Variants in OR51E2 observed in about 807,000 individuals in gnomAD.
OR51E2 encodes olfactory receptor 51E2.
A neutral mutation model predicts 13.7 loss-of-function variants in OR51E2; 14 were observed. That is an observed-to-expected ratio of 1.02 (90% CI 0.68 to 1.60). The LOEUF (loss-of-function observed/expected upper bound fraction) is 1.60, where lower values mean the gene tolerates loss of function less well. Among genes scored for constraint, OR51E2 ranks in the 40% most tolerant of loss-of-function variants. OR51E2 has a pLI of 0.00. For missense variants in OR51E2, 483 were observed against 413.8 expected (o/e 1.17, Z -1.45); for synonymous variants, 180 against 157.6 (o/e 1.14, Z -1.07).
intron 1 of OR51E2, among the ~76,000 whole-genome samples, chr11:4,690,082 C>T (rs1847559301): frequency 2.0e-5 from 3 of 146,662 alleles, no homozygotes; most frequent in East Asian, 2.0e-4. Context: ...AATTATATAC[C>T]TATATATTAT....
intron 1 of OR51E2, among the ~76,000 whole-genome samples, chr11:4,690,124 G>A (rs557742286): frequency 2.0e-5 from 3 of 150,342 alleles, no homozygotes; most frequent in African/African-American, 7.3e-5. Flanking sequence ...TTAAAATTAA[G>A]AGTGTGGGGG....
chr11:4,681,554 T>G lies in OR51E2; in HGVS notation c.*195A>C. 1.6e-6 allele frequency: 1 copy of G among 608,444 alleles called. No homozygotes were observed. Among genetic ancestry groups the G allele is most frequent in the Non-Finnish European group, 2.8e-6 (1 of 352,330 alleles). The allele number at this position is 608,444 out of a possible 1,614,324, so 37.7% of individuals were successfully genotyped here. A position where few individuals can be genotyped will look rare whatever the true frequency, so the allele number is the denominator to read the frequency against. ...AAGCATGTTTGGTTTTATTGTAGTC[T>G]TTAAATCATGTAATACTTCATTAGT... On this transcript the variant is annotated 3_prime_UTR_variant, in exon 2 of 2. Coordinates refer to ENST00000396950, the MANE Select transcript of OR51E2 (RefSeq NM_030774.4).
intron 1 of OR51E2, chr11:4,690,503 G>A (rs1589874110): frequency 5.0e-6 from 1 of 198,376 alleles, no homozygotes; most frequent in African/African-American, 2.4e-5. Flanking sequence ...ACAGTGGTGT[G>A]AGAAGGAGAA....
In OR51E2 at chr11:4,681,531, G is replaced by A; in HGVS notation, c.*218C>T. 3.6e-6 allele frequency: 2 copies of A among 555,270 alleles called. No homozygotes were observed. Among genetic ancestry groups the A allele is most frequent in the Non-Finnish European group, 6.3e-6 (2 of 316,884 alleles). The allele number at this position is 555,270 out of a possible 1,614,324, so 34.4% of individuals were successfully genotyped here. ...TTTATTGTTTTTCTTAATGTTATAAGCATGTTTGGTTTTATTGTAGTCTTT... is the reference window on the plus strand; with the variant it reads ...TTTATTGTTTTTCTTAATGTTATAAACATGTTTGGTTTTATTGTAGTCTTT... On this transcript the variant is annotated 3_prime_UTR_variant, in exon 2 of 2. Coordinates refer to ENST00000396950, the MANE Select transcript of OR51E2 (RefSeq NM_030774.4).
At chr11:4,687,734 G>C (rs932522964) in intron 1 of OR51E2, among the ~76,000 whole-genome samples, 3 of 152,136 alleles carry the variant, frequency 2.0e-5, no homozygotes, top group African/African-American at 7.2e-5. Context: ...TGGGGAGAAT[G>C]GTGACAAGAG....
chr11:4,696,593 A>G (rs1447655499), intron 1 of OR51E2, among the ~76,000 whole-genome samples: 1 of 152,204 alleles, frequency 6.6e-6, no homozygotes, highest in East Asian at 1.9e-4. Context: ...AGGGGGACTA[A>G]TGAATATCCT....
At chr11:4,693,679 G>T (rs1049229544) in intron 1 of OR51E2, among the ~76,000 whole-genome samples, 1 of 152,078 alleles carries the variant, frequency 6.6e-6, no homozygotes, top group African/African-American at 2.4e-5. Flanking sequence ...CCGAGATGGC[G>T]CCATTGCACT....
Position 4,682,659 on chromosome 11 carries a change from C to A in OR51E2, c.53G>T (p.Gly18Val). ...HATFVLIGIPGLEKAHFWVGF... is the reference protein window; with the variant it reads ...HATFVLIGIPVLEKAHFWVGF... ...AACCCAGAAATGGGCTTTCTCTAAT[C>A]CTGGGATACCAATAAGCACAAAGGT... Residue 18 changes from glycine (G) to valine (V), a missense_variant, in exon 2 of 2, where the codon GGA (glycine) becomes GTA (valine). Coordinates refer to ENST00000396950, the MANE Select transcript of OR51E2 (RefSeq NM_030774.4). 6.2e-7 allele frequency: 1 copy of A among 1,614,168 alleles called. No individual in the cohort carries two copies. Among genetic ancestry groups the A allele is most frequent in the Non-Finnish European group, 8.5e-7 (1 of 1,180,022 alleles).
In OR51E2 at chr11:4,681,967, C is replaced by T. The variant is rs373190123; in HGVS notation, c.745G>A (p.Ala249Thr). 6 of 1,613,954 alleles carry T rather than the reference C, an allele frequency of 3.7e-6. No individual in the cohort carries two copies. The highest frequency in any genetic ancestry group is 1.3e-5 in the African/African-American group (1 of 74,904). The change falls in exon 2 of 2, where the codon GCC becomes ACC. Residue 249 changes from alanine to threonine, a missense_variant. Transcript: ENST00000396950. Reference sequence around the variant, plus strand: ...AGGCCAATAAGTGGCACATAGAAGGCGAGTACCACACCAATGTGTGACACA... The same window carrying T: ...AGGCCAATAAGTGGCACATAGAAGGTGAGTACCACACCAATGTGTGACACA... The part of the protein sequence containing the change: ...TCVSHIGVVL[A>T]FYVPLIGLSV...
intron 1 of OR51E2, among the ~76,000 whole-genome samples, chr11:4,689,631 G>T (rs1433242638): frequency 6.6e-6 from 1 of 152,148 alleles, no homozygotes; most frequent in African/African-American, 2.4e-5. Flanking sequence ...CACACCCAGG[G>T]TGGAATGAAT....
chr11:4,694,531 C>CATATATATATATACACACACACAT (rs570101808), intron 1 of OR51E2, among the ~76,000 whole-genome samples: 3 of 147,160 alleles, frequency 2.0e-5, no homozygotes, highest in Non-Finnish European at 4.5e-5. Context: ...TACACACACA[C>CATATATATATATACACACACACAT]ATATATACGT....
chr11:4,681,663 C>A lies in OR51E2; in HGVS notation c.*86G>T. 6.7e-7 allele frequency: 1 copy of A among 1,503,728 alleles called. No individual in the cohort carries two copies. Among genetic ancestry groups the A allele is most frequent in the Non-Finnish European group, 9.1e-7 (1 of 1,094,790 alleles). The allele number at this position is 1,503,728 out of a possible 1,614,324, so 93.1% of individuals were successfully genotyped here. A position where few individuals can be genotyped will look rare whatever the true frequency, so the allele number is the denominator to read the frequency against. ...CCAGCCAGAGAAAAGTACTGATGTGCTTATGGGCAACTGGAAATAAGCTAG... is the reference window on the plus strand; with the variant it reads ...CCAGCCAGAGAAAAGTACTGATGTGATTATGGGCAACTGGAAATAAGCTAG... On this transcript the variant is annotated 3_prime_UTR_variant, in exon 2 of 2. Transcript: ENST00000396950.
chr11:4,683,439 GA>G (rs1200642841), intron 1 of OR51E2, among the ~76,000 whole-genome samples: 1 of 151,890 alleles, frequency 6.6e-6, no homozygotes, highest in Admixed American at 6.6e-5. Flanking sequence ...CAAAAACTAA[GA>G]AAAAAATGCC....
chr11:4,682,495 A>G lies in OR51E2; in HGVS notation c.217T>C (p.Ser73Pro). The G allele has an allele frequency of 6.2e-7, 1 of 1,614,248 alleles. No homozygotes were observed. Among genetic ancestry groups the G allele is most frequent in the Non-Finnish European group, 8.5e-7 (1 of 1,180,032 alleles). The change falls in exon 2 of 2, where the codon TCC becomes CCC. Residue 73 changes from serine to proline, a missense_variant. By Grantham distance (74) the Ser-to-Pro change is moderately conservative (BLOSUM62 -1). Transcript: ENST00000396950. Reference protein sequence around the residue: ...CMLAAIDLALSTSTMPKILAL... With the variant: ...CMLAAIDLALPTSTMPKILAL... ...AGGATCTTAGGCATGGTGGATGTGG[A>G]TAAGGCCAGGTCAATGGCTGCAAGC...
At chr11:4,691,201 G>A (rs1448587480) in intron 1 of OR51E2, 15 of 456,684 alleles carry the variant, frequency 3.3e-5, no homozygotes, top group Non-Finnish European at 6.6e-5. Context: ...CAGTAGGAAA[G>A]TCTTATAAGA....
At position 4,681,706 on chromosome 11, in the gene OR51E2, T is replaced by C. The variant is rs765442199; in HGVS notation, c.*43A>G. On this transcript the variant is annotated 3_prime_UTR_variant, in exon 2 of 2. Coordinates refer to ENST00000396950, the MANE Select transcript of OR51E2 (RefSeq NM_030774.4). ...TAAGCTAGTGTTAGAAATAATTATG[T>C]TTATCAAGCCAATAAAGATAAGGAG... 20 of 1,601,074 alleles carry C rather than the reference T, an allele frequency of 1.2e-5. 1 individual carries two copies. The South Asian group carries it at 2.1e-4, about 17-fold the overall frequency.
chr11:4,681,885 C>T lies in OR51E2; in HGVS notation c.827G>A (p.Gly276Asp). Residue 276 changes from glycine to aspartate, a missense_variant, in exon 2 of 2, where the codon GGT becomes GAT. Physicochemically the swap from Gly to Asp is moderately conservative, Grantham distance 94. Coordinates refer to ENST00000396950, the MANE Select transcript of OR51E2 (RefSeq NM_030774.4). Reference protein sequence around the residue: ...SLHPIVRVVMGDIYLLLPPVI... With the variant: ...SLHPIVRVVMDDIYLLLPPVI... ...AGGAGGCAGCAGCAGGTAGATGTCA[C>T]CCATGACAACACGCACAATGGGATG... 1 of 1,614,164 alleles carries T rather than the reference C, an allele frequency of 6.2e-7. No homozygotes were observed. The highest frequency in any genetic ancestry group is 8.5e-7 in the Non-Finnish European group (1 of 1,180,038).
chr11:4,692,220 A>T, intron 1 of OR51E2: 1 of 446,042 alleles, frequency 2.2e-6, no homozygotes, highest in Non-Finnish European at 4.5e-6. Context: ...AAATATGAAG[A>T]AAGAGATCAT....
chr11:4,682,678 C>A lies in OR51E2; in HGVS notation c.34G>T (p.Val12Leu), dbSNP rs772214969. 11 of 1,613,902 alleles carry A rather than the reference C, an allele frequency of 6.8e-6. No individual in the cohort carries two copies. Among genetic ancestry groups the A allele is most frequent in the Non-Finnish European group, 9.3e-6 (11 of 1,179,958 alleles). ...TCTAATCCTGGGATACCAATAAGCA[C>A]AAAGGTGGCATGTGTGAAGTTGCAG... Reference protein sequence around the residue: ...SSCNFTHATFVLIGIPGLEKA... With the variant: ...SSCNFTHATFLLIGIPGLEKA... The change falls in exon 2 of 2, where the codon GTG becomes TTG. Residue 12 changes from valine to leucine, a missense_variant. Transcript: ENST00000396950.
Sources: allele counts gnomAD v4.1 joint callset (sites outside exome capture counted in the v4.1 genomes callset), GRCh38; gene constraint gnomAD v4.1.1; transcripts MANE v1.5; gene names NCBI Gene and HGNC (gene_info 2026-07-23, HGNC 2026-07-21).